Variants in TSNAXIP1 observed in about 807,000 individuals in gnomAD.
TSNAXIP1 encodes the protein translin-associated factor X-interacting protein 1.
Under a neutral mutation model 84.8 loss-of-function variants are expected in TSNAXIP1, and 89 were observed. The ratio of observed to expected loss-of-function variants is 1.05; its 90% confidence interval spans 0.88 to 1.25. TSNAXIP1 has a LOEUF of 1.25. Among genes scored for constraint, TSNAXIP1 ranks in the 50% most tolerant of loss-of-function variants. The pLI is 0.00. For synonymous variants in TSNAXIP1, 347 were observed against 335.2 expected (o/e 1.04, Z -0.39); for missense variants, 874 against 887.6 (o/e 0.98, Z 0.20).
intron 8 of TSNAXIP1, 40 bp from the exon 9 acceptor site, chr16:67,825,877 C>A: frequency 6.2e-7 from 1 of 1,614,012 alleles, no homozygotes; most frequent in South Asian, 1.1e-5. Context: ...AGGACGGGGT[C>A]TCACAGGTGG....
intron 13 of TSNAXIP1, 66 bp from the exon 14 acceptor site, chr16:67,827,183 G>A: frequency 1.2e-6 from 2 of 1,608,480 alleles, no homozygotes; most frequent in South Asian, 2.2e-5. Context: ...ACTCCCTTTT[G>A]AGCACTAGGG....
intron 2 of TSNAXIP1, among the ~76,000 whole-genome samples, chr16:67,819,517 G>C (rs1277254868): frequency 6.6e-6 from 1 of 151,874 alleles, no homozygotes; most frequent in African/African-American, 2.4e-5. Flanking sequence ...GCTAAAAGTC[G>C]CACATCTTGG....
rs201147559 is a variant in TSNAXIP1, at chr16:67,826,212, A to T, written c.1205A>T (p.Gln402Leu). Residue 402 changes from glutamine to leucine, a missense_variant, in exon 10 of 16, where the codon CAG becomes CTG. Physicochemically the swap from Gln to Leu is moderately radical, Grantham distance 113. Transcript: ENST00000561639. ...CTGGCTGAGGGCAAGAACAGCGACCAGCTGGTGGACGTGCTCCTGGAAGAG... is the reference window on the plus strand; with the variant it reads ...CTGGCTGAGGGCAAGAACAGCGACCTGCTGGTGGACGTGCTCCTGGAAGAG... The part of the protein sequence containing the change: ...QMLAEGKNSD[Q>L]LVDVLLEEIG... 1.6e-5 allele frequency: 25 copies of T among 1,608,160 alleles called. No individual in the cohort carries two copies. The highest frequency in any genetic ancestry group is 2.1e-5 in the Non-Finnish European group (25 of 1,176,294).
At chr16:67,807,561 C>A in intron 1 of TSNAXIP1, 1 of 414,136 alleles carries the variant, frequency 2.4e-6, no homozygotes, top group Non-Finnish European at 4.2e-6. Context: ...ACCTCCCGGG[C>A]TCAAGCGATC....
chr16:67,817,312 G>A (rs2151219373), intron 2 of TSNAXIP1, among the ~76,000 whole-genome samples: 2 of 139,284 alleles, frequency 1.4e-5, no homozygotes, highest in Non-Finnish European at 3.0e-5. Flanking sequence ...ACCGCGCCCG[G>A]CTATTTTTTT....
intron 1 of TSNAXIP1, among the ~76,000 whole-genome samples, chr16:67,813,620 C>T (rs2056293553): frequency 6.7e-6 from 1 of 149,648 alleles, no homozygotes; most frequent in South Asian, 2.1e-4. Context: ...GTAATCCCAG[C>T]TACTCGGGAT....
rs111907613 is a variant in TSNAXIP1 at position 67,810,982 on chromosome 16, G to T, written c.48-3320G>T. Among the ~76,000 whole-genome samples the T allele has an allele frequency of 6.5e-3, 850 of 130,178 alleles. 9 individuals are homozygous for T. The highest frequency in any genetic ancestry group is 0.028 in the African/African-American group (787 of 27,894). The allele number at this position is 130,178 out of a possible 152,430, so 85.4% of individuals were successfully genotyped here. Reference sequence around the variant, plus strand: ...TCGATCTCCTGACCTCATGTCTTTTGTTTTTTTTTTTTCCTTTTTCTGGAG... The same window carrying T: ...TCGATCTCCTGACCTCATGTCTTTTTTTTTTTTTTTTTCCTTTTTCTGGAG... On this transcript the variant is annotated intron_variant, in intron 1 of 15. Coordinates refer to ENST00000561639, the MANE Select transcript of TSNAXIP1 (RefSeq NM_001288990.3).
chr16:67,821,261 G>C (rs962328035), intron 4 of TSNAXIP1, 36 bp downstream of exon 4: 111 of 741,604 alleles, frequency 1.5e-4, no homozygotes, highest in Non-Finnish European at 2.0e-4. Flanking sequence ...GAGGGCGGGG[G>C]AAGGGTGGGA....
At chr16:67,808,695 A>G (rs1298963289) in intron 1 of TSNAXIP1, among the ~76,000 whole-genome samples, 1 of 152,168 alleles carries the variant, frequency 6.6e-6, no homozygotes, top group Non-Finnish European at 1.5e-5. Context: ...CAGTGAGCCA[A>G]GATCACGCCA....
Position 67,828,065 on chromosome 16 carries a change from T to C in TSNAXIP1, c.*72T>C, listed in dbSNP as rs957497603. 1.5e-5 allele frequency: 23 copies of C among 1,570,708 alleles called. No individual in the cohort carries two copies. The African/African-American group carries it at 3.1e-4, about 21-fold the overall frequency. Reference sequence around the variant, plus strand: ...TTTAATATAAAAGTGTTTGTCTGAATCCATGCCATTCTCCAGACTGTGCTG... The same window carrying C: ...TTTAATATAAAAGTGTTTGTCTGAACCCATGCCATTCTCCAGACTGTGCTG... On this transcript the variant is annotated 3_prime_UTR_variant, in exon 16 of 16. Coordinates refer to ENST00000561639, the MANE Select transcript of TSNAXIP1 (RefSeq NM_001288990.3).
intron 15 of TSNAXIP1, 50 bp downstream of exon 15, chr16:67,827,629 C>T (rs2057565650): frequency 6.2e-7 from 1 of 1,611,664 alleles, no homozygotes; most frequent in Admixed American, 1.7e-5. Context: ...GCCCCTGAAG[C>T]CCCTGGGTCT....
rs1178071366 is a variant in TSNAXIP1 at position 67,827,320 on chromosome 16, G to A, written c.1736G>A (p.Trp579Ter). Residue 579 changes from tryptophan (W) to a stop codon, truncating the protein, a stop_gained, in exon 14 of 16, where the codon TGG (tryptophan) becomes TAG (stop). Transcript: ENST00000561639. LOFTEE classifies it high-confidence loss of function. Reference protein sequence around the residue: ...QIQELMEAGGWHPSSSNADLL... With the variant: ...QIQELMEAGG ...CAGGAGCTGATGGAGGCAGGGGGCT[G>A]GCATCCCAGCAGCAGCAATGCAGAC... is the stretch of plus-strand genomic sequence containing the variant. 6.2e-7 allele frequency: 1 copy of A among 1,614,194 alleles called. No homozygotes were observed. The highest frequency in any genetic ancestry group is 8.5e-7 in the Non-Finnish European group (1 of 1,180,034).
In TSNAXIP1 at chr16:67,827,579, T is replaced by C. The variant is rs1412364108; in HGVS notation, c.1898T>C (p.Leu633Pro). 6.2e-7 allele frequency: 1 copy of C among 1,614,062 alleles called. No homozygotes were observed. Among genetic ancestry groups the C allele is most frequent in the South Asian group, 1.1e-5 (1 of 91,076 alleles). Residue 633 changes from leucine to proline, a missense_variant and splice_region_variant, in exon 15 of 16, where the codon CTC becomes CCC. Transcript: ENST00000561639. ...QQLKQELGIE[L>P]HEEVTLPKLR... ...CTAAAGCAGGAGCTTGGCATAGAAC[T>C]GTGAGTGACCCTCATCCATAGGCGA... is the stretch of plus-strand genomic sequence containing the variant.
intron 4 of TSNAXIP1, among the ~76,000 whole-genome samples, chr16:67,823,010 C>CA (rs2057183478): frequency 6.6e-6 from 1 of 152,134 alleles, no homozygotes; most frequent in African/African-American, 2.4e-5. Context: ...GCCAATGATG[C>CA]AGTGTCTAGA....
At chr16:67,814,914 C>T (rs2056414224) in intron 2 of TSNAXIP1, among the ~76,000 whole-genome samples, 1 of 152,072 alleles carries the variant, frequency 6.6e-6, no homozygotes. Context: ...GAAAGAGATG[C>T]GTCTCTACCA....
In TSNAXIP1 at chr16:67,826,601, C is replaced by T. The variant is rs200022723; in HGVS notation, c.1401+39C>T. The T allele has an allele frequency of 2.4e-5, 39 of 1,613,646 alleles. No homozygotes were observed. The East Asian group carries it at 8.2e-4, about 34-fold the overall frequency. ...AGCCACTCTGGCCCAGCATGGTCTT[C>T]AGATCCAGAGTCCTCTGCAGGTCCA... On this transcript the variant is annotated intron_variant, in intron 11 of 15. Transcript: ENST00000561639.
At chr16:67,821,532 A>G (rs1353399544) in intron 4 of TSNAXIP1, among the ~76,000 whole-genome samples, 2 of 151,256 alleles carry the variant, frequency 1.3e-5, no homozygotes, top group Non-Finnish European at 2.9e-5. Flanking sequence ...AGACAAGATC[A>G]CACCACTGCA....
In TSNAXIP1 at chr16:67,826,393, G is replaced by A. The variant is rs755888692; in HGVS notation, c.1276-44G>A. 4.3e-6 allele frequency: 7 copies of A among 1,610,006 alleles called. No homozygotes were observed. In the East Asian group the frequency reaches 1.1e-4, roughly 26 times the overall value. On this transcript the variant is annotated intron_variant, in intron 10 of 15. Transcript: ENST00000561639. ...GGGGATCTTCCCTGATTGGGGGTGG[G>A]GCCACAGATGGGTCCAGAGATGAGC...
intron 2 of TSNAXIP1, among the ~76,000 whole-genome samples, chr16:67,815,783 G>A (rs2056492689): frequency 6.6e-6 from 1 of 151,360 alleles, no homozygotes; most frequent in South Asian, 2.1e-4. Context: ...ACAGGTGTGA[G>A]CCACCACACT....
Sources: allele counts gnomAD v4.1 joint callset (sites outside exome capture counted in the v4.1 genomes callset), GRCh38; gene constraint gnomAD v4.1.1; transcripts MANE v1.5; gene names NCBI Gene and HGNC (gene_info 2026-07-23, HGNC 2026-07-21).